ASXL2: variants seen among roughly 807,000 people sequenced by gnomAD.
ASXL2 encodes ASXL transcriptional regulator 2, also known as putative Polycomb group protein ASXL2.
Under a neutral mutation model 122.0 loss-of-function variants are expected in ASXL2, and 23 were observed. The observed-to-expected ratio is 0.19, with a 90% CI of 0.14 to 0.27. The LOEUF is 0.27. Among genes scored for constraint, ASXL2 ranks in the 10% least tolerant of loss-of-function variants. ASXL2 has a pLI of 1.00. For missense variants in ASXL2, 1,518 were observed against 1,713.8 expected (o/e 0.89, Z 2.02); for synonymous variants, 650 against 637.0 (o/e 1.02, Z -0.31).
intron 5 of ASXL2, among the ~76,000 whole-genome samples, chr2:25,785,656 C>T (rs1317549128): frequency 6.6e-6 from 1 of 152,126 alleles, no homozygotes; most frequent in Non-Finnish European, 1.5e-5. Flanking sequence ...AAGCAATTCT[C>T]CTGCCTCAGC....
chr2:25,870,804 T>C (rs1470328161), intron 1 of ASXL2, among the ~76,000 whole-genome samples: 1 of 152,234 alleles, frequency 6.6e-6, no homozygotes, highest in Non-Finnish European at 1.5e-5. Context: ...TGTTTGTATA[T>C]ACGAGGTAAA....
chr2:25,756,137 G>C, intron 9 of ASXL2, 23 bp from the exon 10 acceptor site: 1 of 1,491,896 alleles, frequency 6.7e-7, no homozygotes, highest in South Asian at 1.3e-5. Flanking sequence ...ATAAGCCAAG[G>C]AAAGCTTACA....
intron 1 of ASXL2, among the ~76,000 whole-genome samples, chr2:25,858,898 C>CTG: frequency 6.7e-6 from 1 of 149,640 alleles, no homozygotes; most frequent in Non-Finnish European, 1.5e-5. Context: ...ACTGGAACCT[C>CTG]CGTCTCCTGG....
intron 8 of ASXL2, among the ~76,000 whole-genome samples, chr2:25,765,246 G>T (rs2088323952): frequency 1.3e-5 from 2 of 152,110 alleles, no homozygotes; most frequent in African/African-American, 4.8e-5. Flanking sequence ...AGCACTTTAG[G>T]AGGCCAAGGC....
intron 7 of ASXL2, among the ~76,000 whole-genome samples, chr2:25,768,349 G>T (rs972639933): frequency 3.3e-5 from 5 of 152,062 alleles, no homozygotes; most frequent in Non-Finnish European, 5.9e-5. Context: ...TGTCATTCAG[G>T]CTGCAGTGCA....
At chr2:25,864,839 T>C (rs1268168213) in intron 1 of ASXL2, among the ~76,000 whole-genome samples, 2 of 151,950 alleles carry the variant, frequency 1.3e-5, no homozygotes, top group Non-Finnish European at 2.9e-5. Context: ...TACAATTTTT[T>C]TTTTTTTTTG....
In ASXL2 at chr2:25,788,692, G is replaced by A. The variant is rs576600461; in HGVS notation, c.403+10693C>T. 3.3e-5 allele frequency among the ~76,000 whole-genome samples: 5 copies of A among 152,158 alleles called. No homozygotes were observed. In the East Asian group the frequency reaches 5.8e-4, roughly 18 times the overall value. The stretch of plus-strand genomic sequence containing the variant: ...AAGTTGCCTTTCTGTGGTCACTAAC[G>A]GAATTGGACTCCTTTTCATTATTAA... On this transcript the variant is annotated intron_variant, in intron 5 of 12. Transcript: ENST00000435504.
chr2:25,872,981 T>C (rs952794628), intron 1 of ASXL2, among the ~76,000 whole-genome samples: 1 of 152,056 alleles, frequency 6.6e-6, no homozygotes, highest in Non-Finnish European at 1.5e-5. Flanking sequence ...AAGGTGGTGT[T>C]TGGTTACATG....
At chr2:25,827,528 C>T (rs2089391511) in intron 3 of ASXL2, among the ~76,000 whole-genome samples, 1 of 152,132 alleles carries the variant, frequency 6.6e-6, no homozygotes, top group South Asian at 2.1e-4. Flanking sequence ...GCAATTCCAC[C>T]ATGATTGATT....
At chr2:25,752,535 C>T (rs996222565) in intron 11 of ASXL2, among the ~76,000 whole-genome samples, 4 of 152,098 alleles carry the variant, frequency 2.6e-5, no homozygotes, top group South Asian at 2.1e-4. Flanking sequence ...TAATTAACTA[C>T]TATAAAAAGT....
In ASXL2 at chr2:25,783,504, C is replaced by T. The variant is rs1401541861; in HGVS notation, c.404-11964G>A. Among the ~76,000 whole-genome samples, 4 of 130,106 alleles carry T rather than the reference C, an allele frequency of 3.1e-5. No individual in the cohort carries two copies. The East Asian group carries it at 7.8e-4, about 25-fold the overall frequency. 85.4% of individuals were successfully genotyped at this position (130,106 alleles called of 152,430 possible). ...TTCTCTTCTAATTTAGTAATTTCCA[C>T]CATTTTTTTTATTATAAATTATTTT... On this transcript the variant is annotated intron_variant, in intron 5 of 12. Transcript: ENST00000435504.
chr2:25,863,847 A>G (rs1050820748), intron 1 of ASXL2, among the ~76,000 whole-genome samples: 1 of 151,768 alleles, frequency 6.6e-6, no homozygotes, highest in African/African-American at 2.4e-5. Flanking sequence ...CTCTACTAAA[A>G]GTACAAAAAT....
chr2:25,753,399 CA>C (rs568924441), intron 11 of ASXL2, 134 bp downstream of exon 11: 10,462 of 422,686 alleles, frequency 0.025, 1 homozygote, highest in South Asian at 0.035. Flanking sequence ...ATCAGTGAGA[CA>C]AAAAAAAAAA....
intron 10 of ASXL2, among the ~76,000 whole-genome samples, chr2:25,755,328 A>G (rs1455365866): frequency 6.6e-6 from 1 of 152,184 alleles, no homozygotes; most frequent in Non-Finnish European, 1.5e-5. Context: ...AAAACACCAC[A>G]GGTGTTTTTC....
intron 2 of ASXL2, among the ~76,000 whole-genome samples, chr2:25,836,871 C>A (rs1042347747): frequency 6.6e-6 from 1 of 152,066 alleles, no homozygotes; most frequent in African/African-American, 2.4e-5. Flanking sequence ...AATAAATTCA[C>A]GAACAAATAA....
chr2:25,829,092 T>C (rs911721571), intron 3 of ASXL2, among the ~76,000 whole-genome samples: 3 of 152,102 alleles, frequency 2.0e-5, no homozygotes, highest in Non-Finnish European at 2.9e-5. Context: ...TTCAATCTTA[T>C]GAGGAATAGG....
intron 8 of ASXL2, among the ~76,000 whole-genome samples, chr2:25,765,101 AC>A (rs1377968168): frequency 6.6e-6 from 1 of 152,220 alleles, no homozygotes; most frequent in Non-Finnish European, 1.5e-5. Flanking sequence ...TAAAAATGAT[AC>A]CAATGTCAGC....
rs531583163 is a variant in ASXL2 at position 25,734,531 on chromosome 2, T to C, written c.*7498A>G. ...AAAATTTTATGTATGATACTTTCCA[T>C]AGGAAAGACATAAGCTTTGTGTAAA... is the stretch of plus-strand genomic sequence containing the variant. On this transcript the variant is annotated 3_prime_UTR_variant, in exon 13 of 13. Transcript: ENST00000435504. 6.6e-6 allele frequency: 1 copy of C among 152,342 alleles called. No homozygotes were observed. Among genetic ancestry groups the C allele is most frequent in the Admixed American group, 6.5e-5 (1 of 15,302 alleles). The allele number at this position is 152,342 out of a possible 1,614,324, so 9.4% of individuals were successfully genotyped here. A position where few individuals can be genotyped will look rare whatever the true frequency, so the allele number is the denominator to read the frequency against.
intron 3 of ASXL2, among the ~76,000 whole-genome samples, chr2:25,832,840 A>G (rs189628352): frequency 6.6e-6 from 1 of 152,358 alleles, no homozygotes; most frequent in Admixed American, 6.5e-5. Flanking sequence ...ATGTCAAAGA[A>G]TACTACTCGG....
Sources: allele counts gnomAD v4.1 joint callset (sites outside exome capture counted in the v4.1 genomes callset), GRCh38; gene constraint gnomAD v4.1.1; transcripts MANE v1.5; gene names NCBI Gene and HGNC (gene_info 2026-07-23, HGNC 2026-07-21).